Variants in LINGO2 observed in about 807,000 individuals in gnomAD.
LINGO2 encodes leucine-rich repeat and immunoglobulin-like domain-containing nogo receptor-interacting protein 2.
Under a neutral mutation model 30.6 loss-of-function variants are expected in LINGO2, and 14 were observed. That is an observed-to-expected ratio of 0.46 (90% CI 0.30 to 0.72). LINGO2 has a LOEUF of 0.72. Ranked by LOEUF, LINGO2 falls within the 30% of genes least tolerant of loss-of-function variation. The pLI is 0.07. For missense variants in LINGO2, 729 were observed against 751.7 expected, an observed-to-expected ratio of 0.97 and a Z score of 0.35; for synonymous variants, 317 against 288.5, an observed-to-expected ratio of 1.10 and a Z score of -1.00.
chr9:29,138,173 A>G, the LINGO2 span, among the ~76,000 whole-genome samples: 1 of 152,122 alleles, frequency 6.6e-6, no homozygotes, highest in African/African-American at 2.4e-5. Context: ...ACTCTTCCAA[A>G]ACTGGAACCT....
At chr9:28,286,647 A>T (rs1445825104) in intron 4 of LINGO2, among the ~76,000 whole-genome samples, 1 of 152,208 alleles carries the variant, frequency 6.6e-6, no homozygotes, top group African/African-American at 2.4e-5. Context: ...GGATGACATC[A>T]TGTTCTTTGC....
chr9:28,482,129 G>A (rs1217607291), intron 1 of LINGO2, among the ~76,000 whole-genome samples: 1 of 151,932 alleles, frequency 6.6e-6, no homozygotes, highest in Admixed American at 6.6e-5. Flanking sequence ...AGTCCTTTGG[G>A]TATATATCCA....
intron 1 of LINGO2, among the ~76,000 whole-genome samples, chr9:28,580,540 C>T (rs1481847178): frequency 1.3e-5 from 2 of 149,600 alleles, no homozygotes; most frequent in Admixed American, 1.3e-4. Flanking sequence ...CAGCTCTTGA[C>T]CACTTGCTGT....
the LINGO2 span, among the ~76,000 whole-genome samples, chr9:28,757,788 A>T: frequency 1.2e-4 from 19 of 152,020 alleles, 2 homozygotes; most frequent in South Asian, 3.5e-3. Flanking sequence ...TCAGCTTCCG[A>T]CACAGTTCAA....
At chr9:28,876,654 T>C in the LINGO2 span, among the ~76,000 whole-genome samples, 4 of 152,200 alleles carry the variant, frequency 2.6e-5, no homozygotes, top group Non-Finnish European at 4.4e-5. Context: ...CTATCGTTGC[T>C]GGACATTTGG....
chr9:28,477,574 G>A (rs2135200393), intron 1 of LINGO2, among the ~76,000 whole-genome samples: 1 of 152,128 alleles, frequency 6.6e-6, no homozygotes, highest in East Asian at 1.9e-4. Flanking sequence ...AGCCAGAAAT[G>A]TAGGCATCTC....
chr9:29,013,263 C>T, the LINGO2 span, among the ~76,000 whole-genome samples: 1 of 152,184 alleles, frequency 6.6e-6, no homozygotes, highest in East Asian at 1.9e-4. Context: ...TTTGGAAGAA[C>T]TGCTCCAATG....
intron 1 of LINGO2, among the ~76,000 whole-genome samples, chr9:28,483,071 T>G (rs1826038791): frequency 6.6e-6 from 1 of 152,104 alleles, no homozygotes; most frequent in South Asian, 2.1e-4. Flanking sequence ...GGATTTGCAT[T>G]TCAAAACCTA....
chr9:28,681,468 C>T, the LINGO2 span, among the ~76,000 whole-genome samples: 1 of 151,948 alleles, frequency 6.6e-6, no homozygotes, highest in Non-Finnish European at 1.5e-5. Context: ...CCTACTGTGG[C>T]TTTAGATCTT....
chr9:28,621,300 A>G (rs1292455552), intron 1 of LINGO2, among the ~76,000 whole-genome samples: 1 of 152,076 alleles, frequency 6.6e-6, no homozygotes, highest in Admixed American at 6.6e-5. Context: ...ATTTTGAGGT[A>G]TAATTAAGTA....
rs544865943 is a variant in LINGO2, at chr9:28,665,892, T to G, written c.-365+4308A>C. Among the ~76,000 whole-genome samples, 750 of 138,120 alleles carry G rather than the reference T, an allele frequency of 5.4e-3. 8 individuals are homozygous for G. Among genetic ancestry groups the G allele is most frequent in the African/African-American group, 0.019 (726 of 38,088 alleles). The allele number at this position is 138,120 out of a possible 152,430, so 90.6% of individuals were successfully genotyped here. A position where few individuals can be genotyped will look rare whatever the true frequency, so the allele number is the denominator to read the frequency against. On this transcript the variant is annotated intron_variant, in intron 1 of 5. Coordinates refer to ENST00000379992, the Ensembl canonical transcript of LINGO2. The stretch of plus-strand genomic sequence containing the variant: ...CCAGACCATAGATATTTGGTGTTAC[T>G]TTTTTTTTTTTTTTTTTGAGATGGA...
chr9:28,580,802 G>A (rs1199217587), intron 1 of LINGO2, among the ~76,000 whole-genome samples: 1 of 151,902 alleles, frequency 6.6e-6, no homozygotes, highest in Non-Finnish European at 1.5e-5. Flanking sequence ...AACAAATAGG[G>A]ATTTTGAGGA....
chr9:28,358,957 A>G (rs1438308047), intron 3 of LINGO2, among the ~76,000 whole-genome samples: 1 of 152,120 alleles, frequency 6.6e-6, no homozygotes, highest in African/African-American at 2.4e-5. Flanking sequence ...GTTCATTCTC[A>G]TTAGCTGTTG....
the LINGO2 span, among the ~76,000 whole-genome samples, chr9:28,888,282 C>A: frequency 3.3e-5 from 5 of 152,054 alleles, no homozygotes; most frequent in Non-Finnish European, 7.4e-5. Flanking sequence ...TATGTGGTTT[C>A]ATGAAAGGCT....
intron 3 of LINGO2, among the ~76,000 whole-genome samples, chr9:28,297,751 G>C (rs1210153576): frequency 2.6e-5 from 4 of 152,190 alleles, no homozygotes; most frequent in Non-Finnish European, 5.9e-5. Flanking sequence ...TCATGTAGCT[G>C]AGTTAAAATG....
intron 4 of LINGO2, among the ~76,000 whole-genome samples, chr9:28,155,114 C>A (rs570327151): frequency 6.6e-6 from 1 of 152,302 alleles, no homozygotes; most frequent in South Asian, 2.1e-4. Context: ...GGAAAATATG[C>A]AAGCAACTGG....
rs375995673 is a variant in LINGO2 at position 28,593,836 on chromosome 9, C to T, written c.-365+76364G>A. Among the ~76,000 whole-genome samples the T allele has an allele frequency of 2.2e-4, 34 of 152,100 alleles. No homozygotes were observed. The South Asian group carries it at 6.9e-3, about 31-fold the overall frequency. ...ACATATTTAATTCCAAAGAACATTA[C>T]ACCAGCTTTTAGTCAAATGAAAAAG... On this transcript the variant is annotated intron_variant, in intron 1 of 5. Transcript: ENST00000379992.
At chr9:28,375,992 C>T (rs1412772040) in intron 2 of LINGO2, among the ~76,000 whole-genome samples, 1 of 152,110 alleles carries the variant, frequency 6.6e-6, no homozygotes, top group African/African-American at 2.4e-5. Context: ...ATTATCTCCT[C>T]ATCAGGATCT....
the LINGO2 span, among the ~76,000 whole-genome samples, chr9:29,078,991 A>G: frequency 6.6e-6 from 1 of 151,980 alleles, no homozygotes; most frequent in Admixed American, 6.6e-5. Context: ...GAAGCATTAT[A>G]CTAAATCCCC....
Sources: allele counts gnomAD v4.1 joint callset (sites outside exome capture counted in the v4.1 genomes callset), GRCh38; gene constraint gnomAD v4.1.1; transcripts MANE v1.5; gene names NCBI Gene and HGNC (gene_info 2026-07-23, HGNC 2026-07-21).